CLN3: variants seen among roughly 807,000 people sequenced by gnomAD.
CLN3 encodes the protein CLN3 lysosomal/endosomal transmembrane protein, battenin.
A neutral mutation model predicts 60.7 loss-of-function variants in CLN3; 49 were observed. That is an observed-to-expected ratio of 0.81 (90% CI 0.64 to 1.02). The LOEUF is 1.02. Among genes scored for constraint, CLN3 ranks in the 50% least tolerant of loss-of-function variants. CLN3 has a pLI of 0.00. For missense variants in CLN3, 516 were observed against 557.4 expected (o/e 0.93, Z 0.75); for synonymous variants, 256 against 245.8 (o/e 1.04, Z -0.39).
At chr16:28,478,760 C>T (rs1255861696) in intron 14 of CLN3, among the ~76,000 whole-genome samples, 2 of 151,992 alleles carry the variant, frequency 1.3e-5, no homozygotes, top group Non-Finnish European at 2.9e-5. Context: ...TATATGGCAG[C>T]GCATTTAGCA....
downstream of CLN3, chr16:28,476,817 A>G (rs892103813): frequency 1.3e-5 from 2 of 154,142 alleles, no homozygotes; most frequent in Admixed American, 6.4e-5. Flanking sequence ...CAATGAATGC[A>G]TGAATGAATG....
At position 28,477,311 on chromosome 16, in the gene CLN3, C is replaced by T. The variant is rs757923800; in HGVS notation, c.*205G>A. On this transcript the variant is annotated 3_prime_UTR_variant, in exon 16 of 16. Transcript: ENST00000636147. ...ATAAAATCGGCATTTATTCAGAAGG[C>T]ATGATGCCAGGAAGAAACTCCCCAA... 5 of 640,954 alleles carry T rather than the reference C, an allele frequency of 7.8e-6. No homozygotes were observed. The highest frequency in any genetic ancestry group is 1.4e-5 in the Non-Finnish European group (5 of 367,038). 39.7% of individuals were successfully genotyped at this position (640,954 alleles called of 1,614,324 possible). A position where few individuals can be genotyped will look rare whatever the true frequency, so the allele number is the denominator to read the frequency against.
At position 28,491,731 on chromosome 16, in the gene CLN3, C is replaced by A. The variant is rs2046318806; in HGVS notation, c.29G>T (p.Arg10Leu). Residue 10 changes from arginine to leucine, a missense_variant, in exon 2 of 16, where the codon CGC becomes CTC. Physicochemically the swap from Arg to Leu is moderately radical, Grantham distance 102. Coordinates refer to ENST00000636147, the MANE Select transcript of CLN3 (RefSeq NM_001042432.2). Reference protein sequence around the residue: MGGCAGSRRRFSDSEGEETV... With the variant: MGGCAGSRRLFSDSEGEETV... Reference sequence around the variant, plus strand: ...ATACTCACCCTCGGAATCCGAAAAGCGCCGCCGCGAGCCTGCACAGCCTCC... The same window carrying A: ...ATACTCACCCTCGGAATCCGAAAAGAGCCGCCGCGAGCCTGCACAGCCTCC... 3 of 1,613,834 alleles carry A rather than the reference C, an allele frequency of 1.9e-6. No homozygotes were observed. Among genetic ancestry groups the A allele is most frequent in the South Asian group, 2.2e-5 (2 of 91,082 alleles).
At chr16:28,487,424 G>C (rs575492994) in intron 7 of CLN3, 32 bp downstream of exon 7, 1 of 1,555,756 alleles carries the variant, frequency 6.4e-7, no homozygotes, top group Non-Finnish European at 8.9e-7. Context: ...GTTCCTCGGG[G>C]CTCCCCATCT....
rs1262296125 is a variant in CLN3, at chr16:28,477,807, A to G, written c.1127T>C (p.Leu376Pro). 6.2e-7 allele frequency: 1 copy of G among 1,614,200 alleles called. No homozygotes were observed. Residue 376 changes from leucine to proline, a missense_variant, in exon 15 of 16, where the codon CTG (leucine) becomes CCG (proline). By Grantham distance (98) the Leu-to-Pro change is moderately conservative. Transcript: ENST00000636147. ...CAGGAGCCCCTCATACAGAATGATC[A>G]GGAAGACGAGGTAGATGCTTGGCAG... ...GFLPSIYLVF[L>P]IILYEGLLGG...
Position 28,491,808 on chromosome 16 carries a change from A to AGGGGGCTCCCAC in CLN3, c.-61_-50dup. The AGGGGGCTCCCAC allele has an allele frequency of 1.9e-6, 3 of 1,607,974 alleles. No homozygotes were observed. Among genetic ancestry groups the AGGGGGCTCCCAC allele is most frequent in the Non-Finnish European group, 2.5e-6 (3 of 1,177,836 alleles). ...GGGTCCAGGGTCATAGAGTGTCCAAAGGGGGCTCCCACGGGAGGGATGAGG... is the reference window on the plus strand; with the variant it reads ...GGGTCCAGGGTCATAGAGTGTCCAAAGGGGGCTCCCACGGGGGCTCCCACGGGAGGGATGAGG... On this transcript the variant is annotated 5_prime_UTR_variant, in exon 2 of 16. Transcript: ENST00000636147.
chr16:28,483,771 G>A (rs2046151624), intron 10 of CLN3, among the ~76,000 whole-genome samples: 2 of 135,434 alleles, frequency 1.5e-5, no homozygotes, highest in South Asian at 4.7e-4. Context: ...GCCCAGGCTG[G>A]ACTCAGACTT....
chr16:28,487,610 C>G, intron 6 of CLN3, 52 bp downstream of exon 6: 1 of 1,598,474 alleles, frequency 6.3e-7, no homozygotes, highest in South Asian at 1.1e-5. Context: ...CCATCCCAGC[C>G]TCCCCTTTCT....
downstream of CLN3, chr16:28,475,515 G>C (rs1227393685): frequency 6.6e-6 from 1 of 152,252 alleles, no homozygotes; most frequent in Admixed American, 6.5e-5. Context: ...CTAGTGAATG[G>C]CAGGGTTGGC....
chr16:28,467,600 T>TG, the CLN3 span, among the ~76,000 whole-genome samples: 1 of 144,966 alleles, frequency 6.9e-6, no homozygotes, highest in Non-Finnish European at 1.5e-5. Context: ...GTTTTTGAGA[T>TG]GGGGTCTCAC....
At chr16:28,470,077 T>C (rs2045933964), downstream of CLN3, among the ~76,000 whole-genome samples, 1 of 142,086 alleles carries the variant, frequency 7.0e-6, no homozygotes, top group Non-Finnish European at 1.5e-5. Flanking sequence ...AGCGGGGCCA[T>C]CTCAGCTCAC....
In CLN3 at chr16:28,482,629, G is replaced by T. The variant is rs1160629944; in HGVS notation, c.834C>A (p.Phe278Leu). 6.2e-7 allele frequency: 1 copy of T among 1,614,190 alleles called. No homozygotes were observed. The highest frequency in any genetic ancestry group is 8.5e-7 in the Non-Finnish European group (1 of 1,180,034). Residue 278 changes from phenylalanine (F) to leucine (L), a missense_variant, in exon 11 of 16, where the codon TTC becomes TTA. Phe to Leu is a conservative substitution (Grantham distance 22, BLOSUM62 0). Transcript: ENST00000636147. ...ATACCCCAGCCATCATCCGAACCTT[G>T]AACACTGTCCACCTTTCCCGAAGGG... The part of the protein sequence containing the change: ...SLSLRERWTV[F>L]KGLLWYIVPL...
At chr16:28,483,824 G>A (rs916280919) in intron 10 of CLN3, among the ~76,000 whole-genome samples, 182 bp downstream of exon 10, 1 of 149,838 alleles carries the variant, frequency 6.7e-6, no homozygotes, top group Non-Finnish European at 1.5e-5. Context: ...CCAAAGTGCT[G>A]GGATATTACA....
chr16:28,474,463 T>TA (rs1386608824), downstream of CLN3, among the ~76,000 whole-genome samples: 234 of 139,730 alleles, frequency 1.7e-3, 1 homozygote, highest in African/African-American at 3.7e-3. Context: ...GTCTCAAAAA[T>TA]AAAAAAAAAA....
chr16:28,492,059 G>T lies in CLN3; in HGVS notation c.-116C>A. 2 of 497,188 alleles carry T rather than the reference G, an allele frequency of 4.0e-6. No homozygotes were observed. Among genetic ancestry groups the T allele is most frequent in the Non-Finnish European group, 7.3e-6 (2 of 273,704 alleles). The allele number at this position is 497,188 out of a possible 1,614,324, so 30.8% of individuals were successfully genotyped here. ...GAATGTTCTGCACTATGCAGAGGCC[G>T]TTTGTCGGATCACGTGACAGCACCC... On this transcript the variant is annotated 5_prime_UTR_variant, in exon 1 of 16. Transcript: ENST00000636147.
chr16:28,482,451 C>G (rs1440698898), intron 12 of CLN3, 26 bp downstream of exon 12: 2 of 1,613,854 alleles, frequency 1.2e-6, no homozygotes, highest in African/African-American at 2.7e-5. Flanking sequence ...GCCACCTCCA[C>G]ACCCCTCCTA....
chr16:28,487,453 C>A lies in CLN3; in HGVS notation c.460+3G>T. 1.2e-6 allele frequency: 2 copies of A among 1,612,902 alleles called. No individual in the cohort carries two copies. The highest frequency in any genetic ancestry group is 1.7e-6 in the Non-Finnish European group (2 of 1,178,918). On this transcript the variant is annotated splice_donor_region_variant and intron_variant, in intron 7 of 15. Coordinates refer to ENST00000636147, the MANE Select transcript of CLN3 (RefSeq NM_001042432.2). ...CCCATCTGACACAGAACCACACACTCACCACACAGGCTGGTCCCCACAGAA... is the reference window on the plus strand; with the variant it reads ...CCCATCTGACACAGAACCACACACTAACCACACAGGCTGGTCCCCACAGAA...
chr16:28,487,959 A>T (rs2046249843), intron 5 of CLN3: 5 of 574,724 alleles, frequency 8.7e-6, no homozygotes, highest in Non-Finnish European at 1.6e-5. Context: ...GGAAAATGGG[A>T]ATATCATAGC....
chr16:28,473,267 T>C (rs2045966648), downstream of CLN3, among the ~76,000 whole-genome samples: 1 of 152,046 alleles, frequency 6.6e-6, no homozygotes. Flanking sequence ...GCCAGGATAA[T>C]TTTTTCTTTT....
Sources: allele counts gnomAD v4.1 joint callset (sites outside exome capture counted in the v4.1 genomes callset), GRCh38; gene constraint gnomAD v4.1.1; transcripts MANE v1.5; gene names NCBI Gene and HGNC (gene_info 2026-07-23, HGNC 2026-07-21).